Variants in CDC42SE2 observed in about 807,000 individuals in gnomAD.
The protein encoded by CDC42SE2 is CDC42 small effector protein 2.
Under a neutral mutation model 11.5 loss-of-function variants are expected in CDC42SE2, and 3 were observed. The observed-to-expected ratio is 0.26, with a 90% CI of 0.12 to 0.67. The LOEUF is 0.67. Ranked by LOEUF, CDC42SE2 falls within the 30% of genes least tolerant of loss-of-function variation. The probability of loss-of-function intolerance (pLI) is 0.80; values close to 1 mark genes in which losing one functional copy is unlikely to be tolerated. For synonymous variants in CDC42SE2, 33 were observed against 34.8 expected (o/e 0.95, Z 0.18); for missense variants, 82 against 106.8 (o/e 0.77, Z 1.02).
At chr5:131,240,152 C>A in the CDC42SE2 span, among the ~76,000 whole-genome samples, 3 of 152,300 alleles carry the variant, frequency 2.0e-5, no homozygotes, top group Middle Eastern at 3.4e-3. Context: ...CAGTTACAGA[C>A]TTTAACTATT....
At chr5:131,298,361 A>T (rs934708199) in intron 1 of CDC42SE2, among the ~76,000 whole-genome samples, 80 of 151,834 alleles carry the variant, frequency 5.3e-4, no homozygotes, top group African/African-American at 1.7e-3. Flanking sequence ...ATCTCAGGTG[A>T]TCCACCCGCC....
At chr5:131,339,601 G>GT (rs1222357772) in intron 2 of CDC42SE2, among the ~76,000 whole-genome samples, 1 of 152,068 alleles carries the variant, frequency 6.6e-6, no homozygotes, top group African/African-American at 2.4e-5. Context: ...CAGGTCAGGA[G>GT]TTTGAGACCA....
chr5:131,292,183 G>C (rs1213387339), intron 1 of CDC42SE2, among the ~76,000 whole-genome samples: 2 of 130,560 alleles, frequency 1.5e-5, no homozygotes, highest in Non-Finnish European at 3.1e-5. Flanking sequence ...AGGTTGCAGT[G>C]ATCCGAGATT....
chr5:131,278,730 T>TCCCCCCTCCCCTC (rs1439262673), intron 1 of CDC42SE2, among the ~76,000 whole-genome samples: 1 of 1,340 alleles, frequency 7.5e-4, no homozygotes, highest in Non-Finnish European at 1.5e-3. Flanking sequence ...CCCTCCCCCC[T>TCCCCCCTCCCCTC]CCCCTCCCCT....
chr5:131,277,596 C>G (rs1209723643), intron 1 of CDC42SE2, among the ~76,000 whole-genome samples: 2 of 152,228 alleles, frequency 1.3e-5, no homozygotes, highest in Non-Finnish European at 2.9e-5. Flanking sequence ...CACCTTTGCT[C>G]ACTACACTCT....
At chr5:131,255,884 C>T (rs1226801089) in intron 2 of CDC42SE2, among the ~76,000 whole-genome samples, 4 of 152,090 alleles carry the variant, frequency 2.6e-5, no homozygotes, top group African/African-American at 9.7e-5. Flanking sequence ...TTAATTCTTG[C>T]CAAATCTTAT....
chr5:131,313,407 G>A (rs1757972954), intron 1 of CDC42SE2, among the ~76,000 whole-genome samples: 1 of 152,148 alleles, frequency 6.6e-6, no homozygotes, highest in Non-Finnish European at 1.5e-5. Context: ...TCTTTTTTAA[G>A]TGGATTGTGC....
chr5:131,271,698 C>T (rs1756998778), intron 1 of CDC42SE2, among the ~76,000 whole-genome samples: 2 of 152,184 alleles, frequency 1.3e-5, no homozygotes, highest in South Asian at 4.1e-4. Flanking sequence ...CACCTCTTTG[C>T]TGTCCCAAGA....
At chr5:131,369,139 A>T (rs936359953) in intron 3 of CDC42SE2, among the ~76,000 whole-genome samples, 1 of 152,178 alleles carries the variant, frequency 6.6e-6, no homozygotes, top group African/African-American at 2.4e-5. Flanking sequence ...ATCCCTAAAC[A>T]GTATAATTTA....
chr5:131,329,874 C>A (rs1264303681), intron 2 of CDC42SE2, among the ~76,000 whole-genome samples: 1 of 41,582 alleles, frequency 2.4e-5, no homozygotes, highest in Non-Finnish European at 6.0e-5. Context: ...AGTGAAACTC[C>A]ATCTCAAAAA....
At chr5:131,332,703 T>A (rs1316849163) in intron 2 of CDC42SE2, among the ~76,000 whole-genome samples, 3 of 152,166 alleles carry the variant, frequency 2.0e-5, no homozygotes, top group Admixed American at 2.0e-4. Context: ...TTGATTTGCA[T>A]TTTTCTGATG....
At chr5:131,330,138 C>T (rs1214789532) in intron 2 of CDC42SE2, among the ~76,000 whole-genome samples, 9 of 152,142 alleles carry the variant, frequency 5.9e-5, no homozygotes, top group Non-Finnish European at 1.0e-4. Context: ...TTTACACGTC[C>T]GGTGATTTGG....
chr5:131,339,005 T>G (rs189398956), intron 2 of CDC42SE2, among the ~76,000 whole-genome samples: 115 of 152,132 alleles, frequency 7.6e-4, no homozygotes, highest in South Asian at 6.4e-3. Context: ...CCCAGCACTT[T>G]GGGAGACCGA....
upstream of CDC42SE2, among the ~76,000 whole-genome samples, chr5:131,263,099 ATTTTT>A (rs370938077): frequency 7.3e-6 from 1 of 137,776 alleles, no homozygotes; most frequent in African/African-American, 2.8e-5. Context: ...CACCAGGGTA[ATTTTT>A]TTTTTTTTTT....
chr5:131,263,466 T>C (rs556888814), upstream of CDC42SE2, among the ~76,000 whole-genome samples: 2 of 152,338 alleles, frequency 1.3e-5, no homozygotes, highest in African/African-American at 2.4e-5. Context: ...AGAAGTCTAG[T>C]ACATGTGTAA....
upstream of CDC42SE2, among the ~76,000 whole-genome samples, chr5:131,244,768 C>T (rs1026267356): frequency 1.2e-4 from 19 of 152,074 alleles, no homozygotes; most frequent in Non-Finnish European, 2.4e-4. Flanking sequence ...TGGGTTAGGT[C>T]ACAGCAACAA....
chr5:131,299,209 A>C (rs988877703), intron 1 of CDC42SE2, among the ~76,000 whole-genome samples: 4 of 152,192 alleles, frequency 2.6e-5, no homozygotes, highest in African/African-American at 9.7e-5. Context: ...ATAGTCATTA[A>C]AGGGGGTTTT....
At chr5:131,364,168 G>A (rs1370612283) in intron 3 of CDC42SE2, among the ~76,000 whole-genome samples, 1 of 152,164 alleles carries the variant, frequency 6.6e-6, no homozygotes, top group Non-Finnish European at 1.5e-5. Context: ...GTACAAATAA[G>A]TATGTATGGT....
At chr5:131,328,714 A>G (rs1277950917) in intron 2 of CDC42SE2, among the ~76,000 whole-genome samples, 3 of 152,146 alleles carry the variant, frequency 2.0e-5, no homozygotes, top group Non-Finnish European at 4.4e-5. Flanking sequence ...TATGTTATAG[A>G]TGTGTCTATT....
Sources: gnomAD v4.1 joint callset for allele counts (sites outside exome capture counted in the v4.1 genomes callset) on GRCh38, gnomAD v4.1.1 for gene constraint, MANE v1.5 for transcripts, NCBI Gene and HGNC (gene_info 2026-07-23, HGNC 2026-07-21) for gene names.